The following ADAM17 variants were observed in gnomAD, a reference collection of about 807,000 sequenced individuals.
ADAM17 encodes disintegrin and metalloproteinase domain-containing protein 17.
Under a neutral mutation model 96.7 loss-of-function variants are expected in ADAM17, and 39 were observed. The observed-to-expected ratio is 0.40, with a 90% CI of 0.31 to 0.53. The LOEUF is 0.53. ADAM17 is among the 20% of genes least tolerant of loss of function. ADAM17 has a pLI of 0.44. For synonymous variants in ADAM17, 344 were observed against 359.2 expected (o/e 0.96, Z 0.48); for missense variants, 777 against 1,013.2 (o/e 0.77, Z 3.17).
At chr2:9,555,377 C>T (rs1665709461) in intron 1 of ADAM17, 132 bp downstream of exon 1, 4 of 707,958 alleles carry the variant, frequency 5.7e-6, no homozygotes, top group Non-Finnish European at 9.0e-6. Flanking sequence ...CCCCCTTCTA[C>T]ACTGAAAACT....
chr2:9,518,643 T>C (rs377151341), intron 8 of ADAM17, among the ~76,000 whole-genome samples: 9 of 152,210 alleles, frequency 5.9e-5, no homozygotes, highest in African/African-American at 2.2e-4. Flanking sequence ...AAGGATTCAA[T>C]TGGTTTTATA....
chr2:9,495,884 G>A (rs1207542135), intron 14 of ADAM17, among the ~76,000 whole-genome samples: 2 of 146,478 alleles, frequency 1.4e-5, no homozygotes, highest in South Asian at 2.1e-4. Context: ...TTTTTAAGAG[G>A]TGAGGTTTCA....
chr2:9,516,840 C>T (rs1328117673), intron 10 of ADAM17, among the ~76,000 whole-genome samples: 1 of 152,168 alleles, frequency 6.6e-6, no homozygotes, highest in African/African-American at 2.4e-5. Flanking sequence ...TTCTTCCTTA[C>T]TTAATGAGCC....
At chr2:9,501,701 C>T (rs1029074826) in intron 13 of ADAM17, among the ~76,000 whole-genome samples, 1 of 152,154 alleles carries the variant, frequency 6.6e-6, no homozygotes, top group Admixed American at 6.5e-5. Flanking sequence ...CATTCATTAT[C>T]CCAAGATTGT....
chr2:9,543,976 C>G (rs1665315541), intron 1 of ADAM17, among the ~76,000 whole-genome samples: 1 of 152,100 alleles, frequency 6.6e-6, no homozygotes, highest in Non-Finnish European at 1.5e-5. Context: ...GATTTGATCA[C>G]TACATATTAT....
intron 2 of ADAM17, among the ~76,000 whole-genome samples, chr2:9,541,981 A>G (rs182573843): frequency 3.5e-4 from 54 of 152,336 alleles, no homozygotes; most frequent in Admixed American, 3.5e-3. Flanking sequence ...CAGAGGTTGC[A>G]GTGAGCCAAG....
At chr2:9,554,423 T>C (rs1393714016) in intron 1 of ADAM17, among the ~76,000 whole-genome samples, 5 of 152,186 alleles carry the variant, frequency 3.3e-5, no homozygotes, top group Non-Finnish European at 7.3e-5. Context: ...TTGTAATCCA[T>C]TTCAATCGGA....
intron 8 of ADAM17, among the ~76,000 whole-genome samples, chr2:9,520,337 A>G (rs1363528819): frequency 6.6e-6 from 1 of 152,254 alleles, no homozygotes; most frequent in Non-Finnish European, 1.5e-5. Context: ...ATCACATGGC[A>G]GCACCCTGTT....
At chr2:9,499,205 C>G (rs1352295889) in intron 13 of ADAM17, among the ~76,000 whole-genome samples, 5 of 149,346 alleles carry the variant, frequency 3.3e-5, no homozygotes, top group Admixed American at 6.7e-5. Flanking sequence ...CTGCTATCTA[C>G]TATTTTGTAT....
intron 1 of ADAM17, among the ~76,000 whole-genome samples, chr2:9,550,903 C>CAAAAAAAA (rs33972062): frequency 1.7e-3 from 165 of 97,820 alleles, no homozygotes; most frequent in African/African-American, 4.8e-3. Flanking sequence ...ACTAAAAATA[C>CAAAAAAAA]AAAAAAAAAA....
intron 10 of ADAM17, among the ~76,000 whole-genome samples, chr2:9,511,593 T>C (rs1007486754): frequency 6.6e-6 from 1 of 152,214 alleles, no homozygotes; most frequent in African/African-American, 2.4e-5. Flanking sequence ...ACTTAATCTA[T>C]CAGATTATCA....
At chr2:9,525,400 A>G (rs1664483387) in intron 6 of ADAM17, among the ~76,000 whole-genome samples, 1 of 152,112 alleles carries the variant, frequency 6.6e-6, no homozygotes, top group African/African-American at 2.4e-5. Flanking sequence ...GCAATGAGAA[A>G]GACATCTTTA....
At chr2:9,509,158 A>C (rs2125006181) in intron 11 of ADAM17, among the ~76,000 whole-genome samples, 1 of 152,324 alleles carries the variant, frequency 6.6e-6, no homozygotes, top group Admixed American at 6.5e-5. Flanking sequence ...GAGTCAGGAC[A>C]AATACTTCAC....
chr2:9,532,688 A>C (rs1240369966), intron 4 of ADAM17, among the ~76,000 whole-genome samples: 1 of 126,084 alleles, frequency 7.9e-6, no homozygotes, highest in Non-Finnish European at 1.6e-5. Context: ...AGGTCTCCCT[A>C]TATTGCCTGG....
intron 10 of ADAM17, among the ~76,000 whole-genome samples, chr2:9,513,524 C>T (rs915752500): frequency 1.3e-5 from 2 of 152,038 alleles, no homozygotes; most frequent in Non-Finnish European, 2.9e-5. Context: ...AGATCTGATA[C>T]TATTTCCGGG....
intron 1 of ADAM17, among the ~76,000 whole-genome samples, chr2:9,551,175 C>T (rs559069768): frequency 1.3e-5 from 2 of 150,438 alleles, no homozygotes; most frequent in Non-Finnish European, 1.5e-5. Context: ...CAGAGATACA[C>T]GTCTAGTCAT....
intron 17 of ADAM17, 116 bp from the exon 18 acceptor site, chr2:9,491,267 A>C (rs1294934525): frequency 1.1e-6 from 1 of 880,376 alleles, no homozygotes; most frequent in East Asian, 2.6e-5. Flanking sequence ...GAGTTGTAGA[A>C]AGTGATAGCA....
intron 2 of ADAM17, among the ~76,000 whole-genome samples, chr2:9,540,517 T>C (rs549001001): frequency 4.6e-5 from 7 of 152,222 alleles, no homozygotes; most frequent in Admixed American, 3.9e-4. Context: ...TCAAATTTGG[T>C]GTAAGTTGAA....
At chr2:9,525,473 A>AT (rs1272998917) in intron 6 of ADAM17, among the ~76,000 whole-genome samples, 2 of 152,310 alleles carry the variant, frequency 1.3e-5, no homozygotes, top group East Asian at 3.9e-4. Context: ...CAGTAACAAC[A>AT]TTTTGGTCAG....
Sources: gnomAD v4.1 joint callset for allele counts (sites outside exome capture counted in the v4.1 genomes callset) on GRCh38, gnomAD v4.1.1 for gene constraint, MANE v1.5 for transcripts, NCBI Gene and HGNC (gene_info 2026-07-23, HGNC 2026-07-21) for gene names.